WWOX: variants seen among roughly 807,000 people sequenced by gnomAD.
WWOX encodes the protein WW domain containing oxidoreductase.
In WWOX, 69 loss-of-function variants were observed where a neutral mutation model predicts 46.2. The ratio of observed to expected loss-of-function variants is 1.49; its 90% CI spans 1.23 to 1.82. The LOEUF is 1.82. WWOX is among the 40% of genes most tolerant of loss of function. The pLI, the probability that WWOX is intolerant of heterozygous loss-of-function variation, is 0.00. For synonymous variants in WWOX, 359 were observed against 202.6 expected, an observed-to-expected ratio of 1.77 and a Z score of -6.56; for missense variants, 919 against 542.6, an observed-to-expected ratio of 1.69 and a Z score of -6.89.
intron 8 of WWOX, among the ~76,000 whole-genome samples, chr16:78,930,222 T>TCTTCCTTCCTTC (rs574392161): frequency 0.09 from 9,404 of 104,982 alleles, 664 homozygotes; most frequent in African/African-American, 0.12. Context: ...TCAGGACCTT[T>TCTTCCTTCCTTC]CTTCCTTCCT....
chr16:78,897,701 G>A (rs957114063), intron 8 of WWOX: 2 of 152,188 alleles, frequency 1.3e-5, no homozygotes, highest in Admixed American at 6.5e-5. Flanking sequence ...ATACCTAGGT[G>A]TGAAATTATT....
At position 78,602,792 on chromosome 16, in the gene WWOX, A is replaced by T. The variant is rs186158218; in HGVS notation, c.1056+170040A>T. Among the ~76,000 whole-genome samples, 3 of 152,338 alleles carry T rather than the reference A, an allele frequency of 2.0e-5. No homozygotes were observed. In the East Asian group the frequency reaches 5.8e-4, roughly 29 times the overall value. On this transcript the variant is annotated intron_variant, in intron 8 of 8. Transcript: ENST00000566780. The stretch of plus-strand genomic sequence containing the variant: ...TGGTTTATCTTGTAGCGTTCCATTT[A>T]AGTCTGCTAAGAGTAGATGCTATCA...
At position 78,345,351 on chromosome 16, in the gene WWOX, T is replaced by C. The variant is rs566250878; in HGVS notation, c.517-41509T>C. Reference sequence around the variant, plus strand: ...TTAAGTAAAATAAGGCTAGACATGCTGGCTCATACCTTTAATCCCAGCACT... The same window carrying C: ...TTAAGTAAAATAAGGCTAGACATGCCGGCTCATACCTTTAATCCCAGCACT... On this transcript the variant is annotated intron_variant, in intron 5 of 8. Transcript: ENST00000566780. Among the ~76,000 whole-genome samples the C allele has an allele frequency of 1.8e-5, 2 of 109,742 alleles. 1 individual carries two copies. Among genetic ancestry groups the C allele is most frequent in the South Asian group, 5.6e-4 (2 of 3,576 alleles). 72.0% of individuals were successfully genotyped at this position (109,742 alleles called of 152,430 possible). A position where few individuals can be genotyped will look rare whatever the true frequency, so the allele number is the denominator to read the frequency against.
rs144393822 is a variant in WWOX, at chr16:78,902,464, A to G, written c.1057-309144A>G. Among the ~76,000 whole-genome samples, 14 of 152,322 alleles carry G rather than the reference A, an allele frequency of 9.2e-5. No individual in the cohort carries two copies. The East Asian group carries it at 2.7e-3, about 29-fold the overall frequency. On this transcript the variant is annotated intron_variant, in intron 8 of 8. Transcript: ENST00000566780. ...CGGGAGAGGCAAGGCTAAGAGGTGG[A>G]TGAAAGGCTAGGGTTAAGGCATTTC...
At chr16:78,804,875 C>T (rs189214503) in intron 8 of WWOX, among the ~76,000 whole-genome samples, 15 of 152,298 alleles carry the variant, frequency 9.8e-5, no homozygotes, top group African/African-American at 2.2e-4. Context: ...GACAGTATTA[C>T]GGGTTTTAAA....
At chr16:78,427,409 A>AG (rs113106238) in intron 7 of WWOX, among the ~76,000 whole-genome samples, 20 of 152,234 alleles carry the variant, frequency 1.3e-4, no homozygotes, top group African/African-American at 4.1e-4. Flanking sequence ...CTGTGAAAAA[A>AG]TTTCAGATAA....
chr16:79,032,424 G>T (rs1427855725), intron 8 of WWOX, among the ~76,000 whole-genome samples: 3 of 146,344 alleles, frequency 2.0e-5, no homozygotes, highest in Non-Finnish European at 4.5e-5. Flanking sequence ...TACATATTAT[G>T]TTGAGAGTGT....
chr16:78,700,653 A>G (rs1250498682), intron 8 of WWOX, among the ~76,000 whole-genome samples: 1 of 152,146 alleles, frequency 6.6e-6, no homozygotes, highest in African/African-American at 2.4e-5. Context: ...CCATCATATT[A>G]TACTTCCATA....
intron 8 of WWOX, among the ~76,000 whole-genome samples, chr16:78,717,424 G>T (rs1000198115): frequency 6.6e-6 from 1 of 152,130 alleles, no homozygotes; most frequent in South Asian, 2.1e-4. Flanking sequence ...TCCTTATCTT[G>T]TTCATTGCTA....
chr16:78,475,795 A>G (rs562703845), intron 8 of WWOX, among the ~76,000 whole-genome samples: 7 of 152,132 alleles, frequency 4.6e-5, no homozygotes, highest in Non-Finnish European at 7.4e-5. Context: ...GCGTTTCACC[A>G]TGTTAGCCAG....
chr16:78,154,377 C>T (rs1244967441), intron 4 of WWOX, among the ~76,000 whole-genome samples: 1 of 152,022 alleles, frequency 6.6e-6, no homozygotes, highest in Non-Finnish European at 1.5e-5. Context: ...AATCCACAGG[C>T]TCCCGCTGCC....
intron 8 of WWOX, among the ~76,000 whole-genome samples, chr16:78,745,296 C>A (rs1026672818): frequency 6.6e-6 from 1 of 152,190 alleles, no homozygotes; most frequent in African/African-American, 2.4e-5. Context: ...TGGGCATCTT[C>A]CCCGCCTTCC....
intron 8 of WWOX, among the ~76,000 whole-genome samples, chr16:78,812,599 A>C (rs1275638459): frequency 6.6e-6 from 1 of 151,928 alleles, no homozygotes; most frequent in African/African-American, 2.4e-5. Flanking sequence ...AGGCGCAGGC[A>C]CCTGTAATCC....
Position 78,452,369 on chromosome 16 carries a change from C to T in WWOX, c.1056+19617C>T, listed in dbSNP as rs186444617. Among the ~76,000 whole-genome samples the T allele has an allele frequency of 4.0e-3, 609 of 152,122 alleles. 1 individual carries two copies. Among genetic ancestry groups the T allele is most frequent in the Admixed American group, 6.8e-3 (104 of 15,286 alleles). On this transcript the variant is annotated intron_variant, in intron 8 of 8. Transcript: ENST00000566780. ...GCTATCATGCAGTCTGCCAGCAGACCAGATGGCAGATCTTTTAATTAGATA... is the reference window on the plus strand; with the variant it reads ...GCTATCATGCAGTCTGCCAGCAGACTAGATGGCAGATCTTTTAATTAGATA...
At chr16:78,905,149 A>G (rs1024682366) in intron 8 of WWOX, among the ~76,000 whole-genome samples, 2 of 152,146 alleles carry the variant, frequency 1.3e-5, no homozygotes, top group Non-Finnish European at 2.9e-5. Flanking sequence ...CTGACCCTCT[A>G]TGAGGGGTTA....
At chr16:78,433,934 C>T (rs1229795160) in intron 8 of WWOX, among the ~76,000 whole-genome samples, 1 of 151,444 alleles carries the variant, frequency 6.6e-6, no homozygotes, top group East Asian at 2.0e-4. Context: ...GGACTACAGG[C>T]GCCCACCACT....
At chr16:78,126,152 G>T (rs79617279) in intron 4 of WWOX, among the ~76,000 whole-genome samples, 15 of 152,132 alleles carry the variant, frequency 9.9e-5, no homozygotes, top group African/African-American at 3.4e-4. Context: ...TCTTCTCCCA[G>T]TGTGGTACAT....
intron 8 of WWOX, among the ~76,000 whole-genome samples, chr16:79,012,784 C>T (rs551510645): frequency 5.1e-4 from 78 of 152,352 alleles, no homozygotes; most frequent in African/African-American, 1.8e-3. Flanking sequence ...AGCAGGTATT[C>T]GGTGCAGCCT....
At chr16:78,433,290 AC>A (rs1320440927) in intron 8 of WWOX, among the ~76,000 whole-genome samples, 1 of 152,170 alleles carries the variant, frequency 6.6e-6, no homozygotes, top group African/African-American at 2.4e-5. Flanking sequence ...TTTCCCAAAG[AC>A]AATTTTGGAT....
Sources: allele counts gnomAD v4.1 joint callset (sites outside exome capture counted in the v4.1 genomes callset), GRCh38; gene constraint gnomAD v4.1.1; transcripts MANE v1.5; gene names NCBI Gene and HGNC (gene_info 2026-07-23, HGNC 2026-07-21).